Variants in WASF2 observed in about 807,000 individuals in gnomAD.
WASF2 encodes actin-binding protein WASF2.
WASF2 carries 14 observed loss-of-function variants against 45.0 expected under a neutral mutation model. The ratio of observed to expected loss-of-function variants is 0.31; its 90% CI spans 0.21 to 0.49. WASF2 has a LOEUF of 0.49. WASF2 is among the 20% of genes least tolerant of loss of function. WASF2 has a pLI of 0.99. For missense variants in WASF2, 439 were observed against 636.1 expected, an observed-to-expected ratio of 0.69 and a Z score of 3.33; for synonymous variants, 200 against 236.3, an observed-to-expected ratio of 0.85 and a Z score of 1.41.
chr1:27,443,838 G>A (rs548739632), intron 1 of WASF2, among the ~76,000 whole-genome samples: 12 of 151,884 alleles, frequency 7.9e-5, no homozygotes, highest in East Asian at 7.8e-4. Context: ...GAGTGCAGGG[G>A]GGGGTGATCT....
At chr1:27,458,225 A>G (rs1423007333) in intron 1 of WASF2, among the ~76,000 whole-genome samples, 1 of 150,092 alleles carries the variant, frequency 6.7e-6, no homozygotes, top group African/African-American at 2.4e-5. Context: ...AGGCAGGAGA[A>G]GTGCTTAAAC....
intron 1 of WASF2, among the ~76,000 whole-genome samples, chr1:27,459,882 A>G (rs2017521745): frequency 6.6e-6 from 1 of 152,358 alleles, no homozygotes; most frequent in East Asian, 1.9e-4. Context: ...TTCTATTAGA[A>G]TAATTTTGAA....
rs2017368419 is a variant in WASF2 at position 27,450,400 on chromosome 1, T to C, written c.-43-21467A>G. Among the ~76,000 whole-genome samples, 5 of 152,226 alleles carry C rather than the reference T, an allele frequency of 3.3e-5. No homozygotes were observed. In the South Asian group the frequency reaches 1.0e-3, roughly 31 times the overall value. On this transcript the variant is annotated intron_variant, in intron 1 of 8. Coordinates refer to ENST00000618852, the MANE Select transcript of WASF2 (RefSeq NM_006990.5). The stretch of plus-strand genomic sequence containing the variant: ...TTGGCCTAAAATGTTAATAAGACCC[T>C]GAATCTCCCAAACCAGCTTCTTGTC...
At chr1:27,436,326 G>C (rs2017137687) in intron 1 of WASF2, among the ~76,000 whole-genome samples, 1 of 151,998 alleles carries the variant, frequency 6.6e-6, no homozygotes, top group Non-Finnish European at 1.5e-5. Context: ...TGCGGCTGTA[G>C]TCCCAGCTAC....
At chr1:27,431,986 C>T (rs1211131014) in intron 1 of WASF2, among the ~76,000 whole-genome samples, 3 of 152,144 alleles carry the variant, frequency 2.0e-5, no homozygotes, top group Non-Finnish European at 2.9e-5. Context: ...TTCAAAGCCA[C>T]CAAAGAGAGA....
At chr1:27,419,861 C>A (rs935317662) in intron 2 of WASF2, among the ~76,000 whole-genome samples, 5 of 152,024 alleles carry the variant, frequency 3.3e-5, no homozygotes, top group African/African-American at 1.2e-4. Flanking sequence ...TATACAACTT[C>A]TTTTAAGAGG....
rs2148093893 is a variant in WASF2, at chr1:27,406,675, T to C, written c.*1514A>G. Reference sequence around the variant, plus strand: ...AGCTGACCAGTTTTTTTCTGAATAATAGCACCTGTGTATTAGCTCTGGGAA... The same window carrying C: ...AGCTGACCAGTTTTTTTCTGAATAACAGCACCTGTGTATTAGCTCTGGGAA... On this transcript the variant is annotated 3_prime_UTR_variant, in exon 9 of 9. Transcript: ENST00000618852. 1.3e-5 allele frequency: 2 copies of C among 151,504 alleles called. No homozygotes were observed. The highest frequency in any genetic ancestry group is 6.6e-5 in the Admixed American group (1 of 15,240). 9.4% of individuals were successfully genotyped at this position (151,504 alleles called of 1,614,324 possible). A position where few individuals can be genotyped will look rare whatever the true frequency, so the allele number is the denominator to read the frequency against.
chr1:27,419,700 T>G (rs2016879590), intron 2 of WASF2, among the ~76,000 whole-genome samples: 1 of 152,220 alleles, frequency 6.6e-6, no homozygotes, highest in East Asian at 1.9e-4. Context: ...AAAAACAGAT[T>G]GGGAGTTCAG....
chr1:27,432,787 C>T (rs902159222), intron 1 of WASF2, among the ~76,000 whole-genome samples: 1 of 151,974 alleles, frequency 6.6e-6, no homozygotes, highest in Non-Finnish European at 1.5e-5. Context: ...CTCTGTCACC[C>T]AGGCCTCACT....
chr1:27,420,910 G>C (rs576368538), intron 2 of WASF2, among the ~76,000 whole-genome samples: 1 of 152,244 alleles, frequency 6.6e-6, no homozygotes, highest in South Asian at 2.1e-4. Flanking sequence ...ACTATTTAAA[G>C]TAGGCTCTAA....
At chr1:27,426,904 A>G (rs2148110937) in intron 2 of WASF2, among the ~76,000 whole-genome samples, 1 of 152,294 alleles carries the variant, frequency 6.6e-6, no homozygotes, top group East Asian at 1.9e-4. Context: ...ATTAAATGAG[A>G]TAATCTATGT....
At chr1:27,471,439 G>A (rs1271677302) in intron 1 of WASF2, among the ~76,000 whole-genome samples, 1 of 151,640 alleles carries the variant, frequency 6.6e-6, no homozygotes, top group Non-Finnish European at 1.5e-5. Flanking sequence ...AATCGCTTGA[G>A]TCCATGAGTT....
At chr1:27,442,242 A>G (rs1325913439) in intron 1 of WASF2, among the ~76,000 whole-genome samples, 1 of 152,222 alleles carries the variant, frequency 6.6e-6, no homozygotes, top group Non-Finnish European at 1.5e-5. Flanking sequence ...TGTACCTACC[A>G]AAGTTAAAAA....
chr1:27,406,990 CAG>C lies in WASF2; in HGVS notation c.*1197_*1198del, dbSNP rs1411634932. 1.3e-5 allele frequency: 2 copies of C among 152,278 alleles called. No homozygotes were observed. Among genetic ancestry groups the C allele is most frequent in the African/African-American group, 4.8e-5 (2 of 41,448 alleles). 9.4% of individuals were successfully genotyped at this position (152,278 alleles called of 1,614,324 possible). ...CCTTCTCTCACTACTTCTGGTCCCC[CAG>C]AGAGGCTGGTCCCAAGGCTATGTGG... On this transcript the variant is annotated 3_prime_UTR_variant, in exon 9 of 9. Transcript: ENST00000618852.
chr1:27,477,847 C>A (rs1438973918), intron 1 of WASF2, among the ~76,000 whole-genome samples: 2 of 85,886 alleles, frequency 2.3e-5, no homozygotes, highest in East Asian at 5.8e-4. Context: ...TGCAGTGAGC[C>A]GAGATCCCGC....
chr1:27,472,641 C>T (rs2017704961), intron 1 of WASF2, among the ~76,000 whole-genome samples: 2 of 133,666 alleles, frequency 1.5e-5, no homozygotes, highest in African/African-American at 6.0e-5. Flanking sequence ...CACAGTGAAA[C>T]CCCGTCTCCA....
chr1:27,442,191 T>A (rs1237489734), intron 1 of WASF2, among the ~76,000 whole-genome samples: 4 of 151,554 alleles, frequency 2.6e-5, no homozygotes, highest in African/African-American at 9.7e-5. Flanking sequence ...TACAAAAAAA[T>A]TTTAAAATAT....
Position 27,477,675 on chromosome 1 carries a change from G to A in WASF2, c.-44+12311C>T, listed in dbSNP as rs1340823989. On this transcript the variant is annotated intron_variant, in intron 1 of 8. Transcript: ENST00000618852. ...AGCACTTTGGGAGGCCGAGGCGGGCGGATCACGAGGTCAGGAGATCGAGAC... is the reference window on the plus strand; with the variant it reads ...AGCACTTTGGGAGGCCGAGGCGGGCAGATCACGAGGTCAGGAGATCGAGAC... Among the ~76,000 whole-genome samples, 10 of 104,994 alleles carry A rather than the reference G, an allele frequency of 9.5e-5. 1 individual carries two copies. The South Asian group carries it at 1.5e-3, about 16-fold the overall frequency. The allele number at this position is 104,994 out of a possible 152,430, so 68.9% of individuals were successfully genotyped here.
At chr1:27,428,967 C>T in intron 1 of WASF2, 34 bp from the exon 2 acceptor site, 1 of 1,563,996 alleles carries the variant, frequency 6.4e-7, no homozygotes, top group South Asian at 1.1e-5. Context: ...TATTACTCAA[C>T]CACAAATTCC....
Sources: gnomAD v4.1 joint callset for allele counts (sites outside exome capture counted in the v4.1 genomes callset) on GRCh38, gnomAD v4.1.1 for gene constraint, MANE v1.5 for transcripts, NCBI Gene and HGNC (gene_info 2026-07-23, HGNC 2026-07-21) for gene names.